Variants in DDC observed in about 807,000 individuals in gnomAD.
DDC encodes aromatic-L-amino-acid decarboxylase.
DDC carries 43 observed loss-of-function variants against 60.0 expected under a neutral mutation model. That is an observed-to-expected ratio of 0.72 (90% CI 0.56 to 0.92). The LOEUF is 0.92. Ranked by LOEUF, DDC falls within the 40% of genes least tolerant of loss-of-function variation. The probability of loss-of-function intolerance (pLI) is 0.00; values close to 1 mark genes in which losing one functional copy is unlikely to be tolerated. For synonymous variants in DDC, 232 were observed against 234.6 expected (o/e 0.99, Z 0.10); for missense variants, 573 against 620.2 (o/e 0.92, Z 0.81).
At chr7:50,466,214 G>A (rs925943576) in intron 13 of DDC, among the ~76,000 whole-genome samples, 1 of 152,192 alleles carries the variant, frequency 6.6e-6, no homozygotes, top group African/African-American at 2.4e-5. Context: ...CCTCAGCCGG[G>A]CGCAGTGGCT....
intron 6 of DDC, among the ~76,000 whole-genome samples, chr7:50,526,850 C>A (rs2044050187): frequency 6.6e-6 from 1 of 152,100 alleles, no homozygotes. Flanking sequence ...GGCTGCAGGA[C>A]AAAATGCATT....
At chr7:50,528,666 G>A (rs2044108825) in intron 5 of DDC, among the ~76,000 whole-genome samples, 1 of 152,072 alleles carries the variant, frequency 6.6e-6, no homozygotes, top group South Asian at 2.1e-4. Context: ...GTGGAGCCTT[G>A]GGGAGCTTGG....
At chr7:50,543,282 G>T (rs1178230348) in intron 2 of DDC, 1 of 163,028 alleles carries the variant, frequency 6.1e-6, no homozygotes, top group Non-Finnish European at 1.4e-5. Flanking sequence ...AAAGCTGAAG[G>T]GAAGTTTCTC....
chr7:50,504,140 C>T, intron 6 of DDC, 81 bp from the exon 7 acceptor site: 1 of 977,826 alleles, frequency 1.0e-6, no homozygotes, highest in Non-Finnish European at 1.7e-6. Flanking sequence ...ACTGCTGCCC[C>T]ATGGTCCAAC....
At chr7:50,502,981 T>G in intron 7 of DDC, among the ~76,000 whole-genome samples, 1 of 152,186 alleles carries the variant, frequency 6.6e-6, no homozygotes, top group Non-Finnish European at 1.5e-5. Flanking sequence ...CACCTGCACC[T>G]TCAGCACCGG....
At position 50,499,292 on chromosome 7, in the gene DDC, G is replaced by A. The variant is rs761331471; in HGVS notation, c.782-50C>T. 44 of 1,341,588 alleles carry A rather than the reference G, an allele frequency of 3.3e-5. No homozygotes were observed. The East Asian group carries it at 1.0e-3, about 32-fold the overall frequency. The allele number at this position is 1,341,588 out of a possible 1,614,324, so 83.1% of individuals were successfully genotyped here. A position where few individuals can be genotyped will look rare whatever the true frequency, so the allele number is the denominator to read the frequency against. ...GTCCCCAGATGGATGCCTCACCACG[G>A]AGCCTGCCAGCTGACCTCGCCCTGT... is the stretch of plus-strand genomic sequence containing the variant. On this transcript the variant is annotated intron_variant, in intron 7 of 14. Coordinates refer to ENST00000444124, the MANE Select transcript of DDC (RefSeq NM_001082971.2).
At chr7:50,513,073 C>G (rs1222101452) in intron 6 of DDC, among the ~76,000 whole-genome samples, 1 of 152,138 alleles carries the variant, frequency 6.6e-6, no homozygotes, top group African/African-American at 2.4e-5. Flanking sequence ...AAGAACAAAC[C>G]AGCAATCCCG....
At chr7:50,480,407 T>C (rs117671682) in intron 9 of DDC, among the ~76,000 whole-genome samples, 1 of 152,342 alleles carries the variant, frequency 6.6e-6, no homozygotes, top group Non-Finnish European at 1.5e-5. Flanking sequence ...CTTTATAACC[T>C]GTAAACCTAA....
At chr7:50,511,684 G>A (rs1283224819) in intron 6 of DDC, among the ~76,000 whole-genome samples, 8 of 151,998 alleles carry the variant, frequency 5.3e-5, no homozygotes, top group East Asian at 1.9e-4. Context: ...AGCCAAGATC[G>A]CGCCACTGCA....
At chr7:50,470,286 C>T (rs1318569337) in intron 11 of DDC, 115 bp from the exon 12 acceptor site, 3 of 771,284 alleles carry the variant, frequency 3.9e-6, no homozygotes, top group Non-Finnish European at 4.6e-6. Context: ...TGGTGGCCAA[C>T]CTGCTCCCAT....
chr7:50,537,932 C>G lies in DDC; in HGVS notation c.363G>C (p.Trp121Cys). 9.3e-6 allele frequency: 15 copies of G among 1,614,176 alleles called. No homozygotes were observed. The highest frequency in any genetic ancestry group is 1.2e-5 in the Non-Finnish European group (14 of 1,180,038). ...TTGGTAGTTCCAGCATCTTCCCGAG[C>G]CAGTCCATCATCACAGTCTCCAGCT... Reference protein sequence around the residue: ...CTELETVMMDWLGKMLELPKA... With the variant: ...CTELETVMMDCLGKMLELPKA... Residue 121 changes from tryptophan to cysteine, a missense_variant, in exon 4 of 15, where the codon TGG (tryptophan) becomes TGC (cysteine). Trp to Cys is a radical substitution (Grantham distance 215). Coordinates refer to ENST00000444124, the MANE Select transcript of DDC (RefSeq NM_001082971.2).
In DDC at chr7:50,529,281, C is replaced by A; in HGVS notation, c.497G>T (p.Arg166Leu). Residue 166 changes from arginine to leucine, a missense_variant, in exon 5 of 15, where the codon CGG becomes CTG. Transcript: ENST00000444124. ...GAGCTCTGGGGACGCTGCCTGCAGC[C>A]GATGGATCACTTTGGTCCGAGCGGC... ...LLAARTKVIH[R>L]LQAASPELTQ... The A allele has an allele frequency of 1.2e-6, 2 of 1,614,090 alleles. No homozygotes were observed. The highest frequency in any genetic ancestry group is 1.7e-6 in the Non-Finnish European group (2 of 1,180,038).
chr7:50,463,679 T>C (rs2042334693), intron 13 of DDC, among the ~76,000 whole-genome samples: 2 of 152,202 alleles, frequency 1.3e-5, no homozygotes, highest in Admixed American at 6.5e-5. Flanking sequence ...AGATGACCCT[T>C]CCATGGTCTA....
intron 9 of DDC, chr7:50,493,076 A>C: frequency 1.5e-6 from 2 of 1,306,696 alleles, no homozygotes; most frequent in Non-Finnish European, 2.2e-6. Flanking sequence ...AAGATTAGGG[A>C]CCCAAAATAT....
intron 9 of DDC, among the ~76,000 whole-genome samples, chr7:50,491,686 C>T (rs1055359541): frequency 2.0e-5 from 3 of 152,198 alleles, no homozygotes; most frequent in Non-Finnish European, 2.9e-5. Flanking sequence ...CAGGTAGCTA[C>T]TCTATGCTCA....
chr7:50,503,841 A>T, intron 7 of DDC, 152 bp downstream of exon 7: 1 of 691,962 alleles, frequency 1.4e-6, no homozygotes, highest in Non-Finnish European at 2.6e-6. Context: ...AGTTCAAGCT[A>T]ATGAGGTTTG....
At position 50,462,479 on chromosome 7, in the gene DDC, C is replaced by G. The variant is rs11575549; in HGVS notation, c.*18+734G>C. ...AAACCCCTCACAACTGCAAGAAGCCCGGTAGTCGAAACATATCCTTTCTTC... is the reference window on the plus strand; with the variant it reads ...AAACCCCTCACAACTGCAAGAAGCCGGGTAGTCGAAACATATCCTTTCTTC... On this transcript the variant is annotated intron_variant, in intron 14 of 14. Coordinates refer to ENST00000444124, the MANE Select transcript of DDC (RefSeq NM_001082971.2). Among the ~76,000 whole-genome samples, 14 of 152,188 alleles carry G rather than the reference C, an allele frequency of 9.2e-5. No homozygotes were observed. The South Asian group carries it at 1.2e-3, about 14-fold the overall frequency.
chr7:50,538,532 C>T (rs1012933791), intron 3 of DDC, among the ~76,000 whole-genome samples: 3 of 152,200 alleles, frequency 2.0e-5, no homozygotes, highest in African/African-American at 4.8e-5. Context: ...AGCAACATCC[C>T]GATGCGTCAC....
Position 50,499,257 on chromosome 7 carries a change from C to A in DDC, c.782-15G>T, listed in dbSNP as rs1456680310. The A allele has an allele frequency of 6.3e-7, 1 of 1,599,700 alleles. No individual in the cohort carries two copies. On this transcript the variant is annotated splice_polypyrimidine_tract_variant and intron_variant, in intron 7 of 14. Coordinates refer to ENST00000444124, the MANE Select transcript of DDC (RefSeq NM_001082971.2). The stretch of plus-strand genomic sequence containing the variant: ...TTCCTTGTTGCCTAAAGTTCAGAAT[C>A]AACTTGTGAGTCCCCAGATGGATGC...
Sources: allele counts gnomAD v4.1 joint callset (sites outside exome capture counted in the v4.1 genomes callset), GRCh38; gene constraint gnomAD v4.1.1; transcripts MANE v1.5; gene names NCBI Gene and HGNC (gene_info 2026-07-23, HGNC 2026-07-21).